Variants in CREB5 observed in about 807,000 individuals in gnomAD.
CREB5 encodes cAMP responsive element binding protein 5, also known as cyclic AMP-responsive element-binding protein 5.
A neutral mutation model predicts 57.1 loss-of-function variants in CREB5; 19 were observed. The ratio of observed to expected loss-of-function variants is 0.33; its 90% CI spans 0.23 to 0.49. CREB5 has a LOEUF of 0.49. Ranked by LOEUF, CREB5 falls within the 20% of genes least tolerant of loss-of-function variation. CREB5 has a pLI of 0.99. For synonymous variants in CREB5, 238 were observed against 238.3 expected, an observed-to-expected ratio of 1.00 and a Z score of 0.01; for missense variants, 579 against 671.6, an observed-to-expected ratio of 0.86 and a Z score of 1.52.
At chr7:28,686,194 T>C in intron 5 of CREB5, 1 of 1,610,846 alleles carries the variant, frequency 6.2e-7, no homozygotes, top group Non-Finnish European at 8.5e-7. Context: ...GTGATGTCCA[T>C]GAGGTTTGTT....
intron 1 of CREB5, among the ~76,000 whole-genome samples, chr7:28,366,904 A>T (rs1786598325): frequency 6.6e-6 from 1 of 152,212 alleles, no homozygotes; most frequent in Non-Finnish European, 1.5e-5. Flanking sequence ...TAGAGGGGTA[A>T]TCATGAAAGG....
chr7:28,644,951 G>T (rs1017343176), intron 5 of CREB5, among the ~76,000 whole-genome samples: 1 of 152,106 alleles, frequency 6.6e-6, no homozygotes, highest in African/African-American at 2.4e-5. Context: ...GGCATGTGAA[G>T]AGGCTCACAG....
intron 7 of CREB5, among the ~76,000 whole-genome samples, chr7:28,738,246 A>G (rs540936754): frequency 1.3e-5 from 2 of 152,316 alleles, no homozygotes; most frequent in East Asian, 3.9e-4. Flanking sequence ...GAATCATGCC[A>G]TGCCAACTTT....
chr7:28,517,643 C>A (rs549663956), intron 4 of CREB5, among the ~76,000 whole-genome samples: 1 of 152,112 alleles, frequency 6.6e-6, no homozygotes, highest in African/African-American at 2.4e-5. Context: ...GCTTACAAGC[C>A]GGTTGGGTTG....
At chr7:28,741,865 A>G (rs527531022) in intron 7 of CREB5, among the ~76,000 whole-genome samples, 6 of 152,076 alleles carry the variant, frequency 3.9e-5, no homozygotes, top group African/African-American at 1.4e-4. Flanking sequence ...CAGGAGTTCG[A>G]GACCAGCCTG....
intron 5 of CREB5, among the ~76,000 whole-genome samples, chr7:28,682,090 C>T (rs1800624943): frequency 6.6e-6 from 1 of 152,176 alleles, no homozygotes; most frequent in African/African-American, 2.4e-5. Context: ...TAGGTTTTGA[C>T]ACAGGAAAGG....
Position 28,473,272 on chromosome 7 carries a change from C to T in CREB5, c.4-14903C>T, listed in dbSNP as rs531113594. 1.9e-3 allele frequency among the ~76,000 whole-genome samples: 296 copies of T among 152,110 alleles called. 1 individual carries two copies. The highest frequency in any genetic ancestry group is 3.8e-3 in the Non-Finnish European group (259 of 67,990). ...AGGGGATCAAGGGTGTAGCGGGCTG[C>T]GAAGGCACCATTGCATTCCAGCCTG... On this transcript the variant is annotated intron_variant, in intron 1 of 10. Coordinates refer to ENST00000357727, the MANE Select transcript of CREB5 (RefSeq NM_182898.4).
At chr7:28,694,728 G>T (rs1253474659) in intron 5 of CREB5, among the ~76,000 whole-genome samples, 1 of 151,970 alleles carries the variant, frequency 6.6e-6, no homozygotes, top group Admixed American at 6.6e-5. Flanking sequence ...TAATTTTTTT[G>T]TGGAGACTGG....
chr7:28,750,812 T>C (rs1804937425), intron 7 of CREB5, among the ~76,000 whole-genome samples: 3 of 152,202 alleles, frequency 2.0e-5, no homozygotes, highest in Admixed American at 2.0e-4. Context: ...ATACTCATTT[T>C]AAATGTGTAA....
At chr7:28,453,523 G>T (rs1241160313) in intron 1 of CREB5, among the ~76,000 whole-genome samples, 1 of 152,248 alleles carries the variant, frequency 6.6e-6, no homozygotes, top group Non-Finnish European at 1.5e-5. Flanking sequence ...GATTTTAAAT[G>T]TATGTTTCCT....
intron 5 of CREB5, among the ~76,000 whole-genome samples, chr7:28,656,756 G>C (rs1327824887): frequency 1.3e-5 from 2 of 152,208 alleles, no homozygotes; most frequent in Non-Finnish European, 2.9e-5. Flanking sequence ...CGAGAGTTGA[G>C]AGAGATGTTT....
intron 4 of CREB5, among the ~76,000 whole-genome samples, chr7:28,528,907 G>A (rs143029721): frequency 2.0e-5 from 3 of 152,168 alleles, no homozygotes; most frequent in African/African-American, 4.8e-5. Context: ...CACAACTTCC[G>A]GGATATCCTA....
At chr7:28,707,638 A>G (rs1056813307) in intron 5 of CREB5, among the ~76,000 whole-genome samples, 1 of 152,246 alleles carries the variant, frequency 6.6e-6, no homozygotes. Flanking sequence ...CTCCCTAGAA[A>G]GCAAGTCAGA....
At chr7:28,468,260 A>C (rs1442820473) in intron 1 of CREB5, among the ~76,000 whole-genome samples, 2 of 152,208 alleles carry the variant, frequency 1.3e-5, no homozygotes, top group Non-Finnish European at 2.9e-5. Flanking sequence ...AGTGCCAAGC[A>C]CGTTAAAGAT....
intron 1 of CREB5, among the ~76,000 whole-genome samples, chr7:28,389,893 A>T (rs1397891776): frequency 1.3e-5 from 2 of 152,102 alleles, no homozygotes; most frequent in Non-Finnish European, 1.5e-5. Context: ...CTCGGCATCG[A>T]TAACACACTG....
intron 4 of CREB5, among the ~76,000 whole-genome samples, chr7:28,516,718 A>G (rs1439972589): frequency 6.6e-6 from 1 of 152,232 alleles, no homozygotes; most frequent in Non-Finnish European, 1.5e-5. Context: ...GAACTTTCTC[A>G]TCAGGGTGAT....
chr7:28,537,635 C>A (rs1395358251), intron 4 of CREB5, among the ~76,000 whole-genome samples: 5 of 152,060 alleles, frequency 3.3e-5, no homozygotes, highest in African/African-American at 1.2e-4. Context: ...AAGGAGGAGG[C>A]AGATTAAAGA....
intron 7 of CREB5, among the ~76,000 whole-genome samples, chr7:28,725,137 T>C (rs932034566): frequency 6.6e-6 from 1 of 152,194 alleles, no homozygotes; most frequent in Middle Eastern, 3.2e-3. Flanking sequence ...GCATCTGATA[T>C]TGGATAAGGA....
chr7:28,485,889 G>C (rs4722802), intron 1 of CREB5, among the ~76,000 whole-genome samples: 31,294 of 151,974 alleles, frequency 0.21, 3,535 homozygotes, highest in African/African-American at 0.29. Context: ...GGGGAAGAGA[G>C]ATGCTCTACA....
Sources: gnomAD v4.1 joint callset for allele counts (sites outside exome capture counted in the v4.1 genomes callset) on GRCh38, gnomAD v4.1.1 for gene constraint, MANE v1.5 for transcripts, NCBI Gene and HGNC (gene_info 2026-07-23, HGNC 2026-07-21) for gene names.